Variants in DYSF observed in about 807,000 individuals in gnomAD.
The protein encoded by DYSF is dysferlin.
A neutral mutation model predicts 274.9 loss-of-function variants in DYSF; 212 were observed. The ratio of observed to expected loss-of-function variants is 0.77; its 90% CI spans 0.69 to 0.86. The LOEUF is 0.86. Among genes scored for constraint, DYSF ranks in the 40% least tolerant of loss-of-function variants. The pLI is 0.00. For missense variants in DYSF, 2,666 were observed against 2,783.2 expected (o/e 0.96, Z 0.95); for synonymous variants, 1,091 against 1,078.7 (o/e 1.01, Z -0.22).
rs1290808194 is a variant in DYSF, at chr2:71,515,643, G to C, written c.780G>C (p.Glu260Asp). 6.2e-7 allele frequency: 1 copy of C among 1,613,898 alleles called. No homozygotes were observed. Among genetic ancestry groups the C allele is most frequent in the Admixed American group, 1.7e-5 (1 of 59,994 alleles). ...QDFQIRVQVI[E>D]GRQLPGVNIK... ...TTCAGATCAGGGTCCAGGTGATCGA[G>C]GGGCGCCAGCTGCCGGGGGTGAACA... Residue 260 changes from glutamate to aspartate, a missense_variant, in exon 8 of 56, where the codon GAG becomes GAC. By Grantham distance (45) the Glu-to-Asp change is conservative. Around this residue, in one of 3 missense-constraint regions of DYSF, gnomAD observed 794 missense variants for 777.1 expected, o/e 1.02. Coordinates refer to ENST00000410020, the MANE Select transcript of DYSF (RefSeq NM_001130987.2).
chr2:71,563,949 A>G, intron 23 of DYSF, 109 bp from the exon 24 acceptor site: 1 of 1,461,780 alleles, frequency 6.8e-7, no homozygotes, highest in African/African-American at 1.4e-5. Context: ...GGAAGCTGGG[A>G]GAGGAGAGGC....
chr2:71,603,144 A>G (rs938947000), intron 36 of DYSF, among the ~76,000 whole-genome samples: 2 of 152,212 alleles, frequency 1.3e-5, no homozygotes, highest in Non-Finnish European at 2.9e-5. Flanking sequence ...TAGTCAAGGA[A>G]GCCTTTCTGG....
chr2:71,563,603 G>A (rs2091912561), intron 23 of DYSF, among the ~76,000 whole-genome samples: 2 of 152,180 alleles, frequency 1.3e-5, no homozygotes, highest in Admixed American at 1.3e-4. Flanking sequence ...TCTGGGAAGG[G>A]CATACCTTCT....
Position 71,569,127 on chromosome 2 carries a change from G to A in DYSF, c.2865-693G>A, listed in dbSNP as rs893606689. ...CTGACCTGGTGATCCACCCGCCTCG[G>A]CCTCCCAAAGTGCTGGGATTACAGG... On this transcript the variant is annotated intron_variant, in intron 26 of 55. Transcript: ENST00000410020. 2.6e-5 allele frequency among the ~76,000 whole-genome samples: 4 copies of A among 151,384 alleles called. No individual in the cohort carries two copies. The East Asian group carries it at 7.8e-4, about 30-fold the overall frequency.
At chr2:71,621,939 G>A (rs767146514) in intron 41 of DYSF, among the ~76,000 whole-genome samples, 2 of 152,072 alleles carry the variant, frequency 1.3e-5, no homozygotes, top group Non-Finnish European at 2.9e-5. Context: ...GATTACAGGC[G>A]TGAGCCACCA....
intron 4 of DYSF, among the ~76,000 whole-genome samples, chr2:71,510,354 A>T (rs2085965332): frequency 6.6e-6 from 1 of 152,174 alleles, no homozygotes; most frequent in African/African-American, 2.4e-5. Flanking sequence ...TTTCCCCTCC[A>T]CGGGTTGCAG....
At chr2:71,569,580 C>T (rs1379129019) in intron 26 of DYSF, among the ~76,000 whole-genome samples, 2 of 152,166 alleles carry the variant, frequency 1.3e-5, no homozygotes, top group Admixed American at 6.5e-5. Context: ...CTTCAGTTGG[C>T]CCCCTTTTCT....
At chr2:71,660,754 G>A (rs2094864832) in intron 45 of DYSF, 103 bp downstream of exon 45, 2 of 980,506 alleles carry the variant, frequency 2.0e-6, no homozygotes, top group Non-Finnish European at 3.2e-6. Context: ...GTATCTCTTG[G>A]AGCAAAACTG....
chr2:71,652,743 C>T (rs930739623), intron 42 of DYSF, among the ~76,000 whole-genome samples: 7 of 152,076 alleles, frequency 4.6e-5, no homozygotes, highest in African/African-American at 1.7e-4. Context: ...GGTAACGAAA[C>T]AGGTTATGAA....
intron 55 of DYSF, among the ~76,000 whole-genome samples, chr2:71,683,919 C>G (rs1421330853): frequency 3.2e-5 from 1 of 30,970 alleles, no homozygotes; most frequent in African/African-American, 1.6e-4. Context: ...CACAGCTTTC[C>G]ATGCAGTTCT....
At chr2:71,622,478 T>C (rs1431494384) in intron 41 of DYSF, among the ~76,000 whole-genome samples, 1 of 152,254 alleles carries the variant, frequency 6.6e-6, no homozygotes, top group Non-Finnish European at 1.5e-5. Context: ...ATATTTGAGA[T>C]GCTGCTGAGC....
intron 30 of DYSF, among the ~76,000 whole-genome samples, chr2:71,578,623 G>A (rs148889073): frequency 2.4e-4 from 37 of 152,352 alleles, no homozygotes; most frequent in South Asian, 2.1e-4. Flanking sequence ...ATGTTGGGAG[G>A]CAGGCCTTGC....
At chr2:71,550,027 C>T (rs534181895) in intron 17 of DYSF, among the ~76,000 whole-genome samples, 110 of 152,300 alleles carry the variant, frequency 7.2e-4, no homozygotes, top group Middle Eastern at 3.4e-3. Flanking sequence ...GGCAGGGGCT[C>T]GACTCACAGT....
rs148487650 is a variant in DYSF at position 71,527,567 on chromosome 2, G to C, written c.1277-731G>C. Among the ~76,000 whole-genome samples, 305 of 143,420 alleles carry C rather than the reference G, an allele frequency of 2.1e-3. 1 individual carries two copies. Among genetic ancestry groups the C allele is most frequent in the African/African-American group, 7.2e-3 (271 of 37,438 alleles). 94.1% of individuals were successfully genotyped at this position (143,420 alleles called of 152,430 possible). Reference sequence around the variant, plus strand: ...TTTTCTTAAGGTGAAAGAGCTTTGTGTTGAATTCCCTGCAACGTTGTTTGA... The same window carrying C: ...TTTTCTTAAGGTGAAAGAGCTTTGTCTTGAATTCCCTGCAACGTTGTTTGA... On this transcript the variant is annotated intron_variant, in intron 13 of 55. Transcript: ENST00000410020.
At chr2:71,573,967 C>T (rs2092611823) in intron 29 of DYSF, among the ~76,000 whole-genome samples, 1 of 152,156 alleles carries the variant, frequency 6.6e-6, no homozygotes, top group South Asian at 2.1e-4. Flanking sequence ...GGATTACAGA[C>T]ATGAGCCACC....
chr2:71,643,255 C>G (rs1248133665), intron 41 of DYSF, among the ~76,000 whole-genome samples: 1 of 152,192 alleles, frequency 6.6e-6, no homozygotes, highest in Non-Finnish European at 1.5e-5. Context: ...CCACAACAGG[C>G]CTGTCCATCT....
At chr2:71,598,511 T>C in intron 32 of DYSF, 53 bp from the exon 33 acceptor site, 1 of 1,606,490 alleles carries the variant, frequency 6.2e-7, no homozygotes, top group Non-Finnish European at 8.5e-7. Flanking sequence ...AGAAGACATC[T>C]CTCAGGGTCC....
At position 71,475,394 on chromosome 2, in the gene DYSF, T is replaced by C. The variant is rs981289178; in HGVS notation, c.92-5489T>C. On this transcript the variant is annotated intron_variant, in intron 1 of 55. Transcript: ENST00000410020. ...AGTTAGTAATGTGAGTAAGGCATGG[T>C]GTTTGCCGCCAGAAACTCCCAGCCC... 3.9e-5 allele frequency among the ~76,000 whole-genome samples: 6 copies of C among 152,342 alleles called. 1 individual carries two copies. Among genetic ancestry groups the C allele is most frequent in the Middle Eastern group, 3.4e-3 (1 of 294 alleles).
At chr2:71,611,385 C>T (rs778360581) in intron 37 of DYSF, 39 bp downstream of exon 37, 13 of 1,613,746 alleles carry the variant, frequency 8.1e-6, no homozygotes, top group Non-Finnish European at 1.1e-5. Flanking sequence ...CTGGGAGCAG[C>T]CTGCCCTTCC....
Sources: allele counts gnomAD v4.1 joint callset (sites outside exome capture counted in the v4.1 genomes callset), GRCh38; gene constraint gnomAD v4.1.1; regional missense constraint gnomAD v4.1.1; transcripts MANE v1.5; gene names NCBI Gene and HGNC (gene_info 2026-07-23, HGNC 2026-07-21).